FHIT: variants seen among roughly 807,000 people sequenced by gnomAD.
FHIT encodes bis(5'-adenosyl)-triphosphatase.
FHIT carries 19 observed loss-of-function variants against 17.9 expected under a neutral mutation model. The ratio of observed to expected loss-of-function variants is 1.06; its 90% CI spans 0.74 to 1.56. The LOEUF (loss-of-function observed/expected upper bound fraction) is 1.56. Among genes scored for constraint, FHIT ranks in the 40% most tolerant of loss-of-function variants. The pLI is 0.00. For synonymous variants in FHIT, 81 were observed against 69.7 expected, an observed-to-expected ratio of 1.16 and a Z score of -0.81; for missense variants, 248 against 189.2, an observed-to-expected ratio of 1.31 and a Z score of -1.82.
intron 1 of FHIT, among the ~76,000 whole-genome samples, chr3:61,224,729 G>A (rs1560093078): frequency 6.6e-6 from 1 of 152,106 alleles, no homozygotes; most frequent in African/African-American, 2.4e-5. Context: ...TTTAGATATG[G>A]CCATGATACC....
At chr3:60,910,226 G>T (rs1286339595) in intron 3 of FHIT, among the ~76,000 whole-genome samples, 1 of 152,082 alleles carries the variant, frequency 6.6e-6, no homozygotes, top group African/African-American at 2.4e-5. Flanking sequence ...GGCTTTCCGA[G>T]ATCTTGGGCA....
chr3:60,044,122 CAT>C (rs1701554958), intron 5 of FHIT, among the ~76,000 whole-genome samples: 1 of 152,170 alleles, frequency 6.6e-6, no homozygotes, highest in African/African-American at 2.4e-5. Flanking sequence ...AAGCAGATTA[CAT>C]GTGTGGCTTT....
At chr3:60,955,609 T>TATATATACATATATATATAC (rs1559862241) in intron 3 of FHIT, among the ~76,000 whole-genome samples, 1 of 9,150 alleles carries the variant, frequency 1.1e-4, no homozygotes, top group African/African-American at 1.7e-4. Context: ...TATATATATA[T>TATATATACATATATATATAC]ATATATATAT....
At chr3:60,465,416 T>A (rs2032730026) in intron 5 of FHIT, among the ~76,000 whole-genome samples, 1 of 152,162 alleles carries the variant, frequency 6.6e-6, no homozygotes. Context: ...TGTCCATTTT[T>A]GCTTTGGTTA....
At chr3:60,441,730 T>A (rs2594245) in intron 5 of FHIT, among the ~76,000 whole-genome samples, 2 of 88,650 alleles carry the variant, frequency 2.3e-5, no homozygotes, top group Admixed American at 3.0e-4. Flanking sequence ...ATATTTGTAT[T>A]TATATATATA....
At chr3:59,837,327 C>T (rs1385566937) in intron 8 of FHIT, among the ~76,000 whole-genome samples, 1 of 152,150 alleles carries the variant, frequency 6.6e-6, no homozygotes, top group African/African-American at 2.4e-5. Flanking sequence ...ATAACCTATG[C>T]ACATCTTCAC....
At chr3:60,461,831 C>A (rs531491097) in intron 5 of FHIT, among the ~76,000 whole-genome samples, 69 of 152,258 alleles carry the variant, frequency 4.5e-4, no homozygotes, top group African/African-American at 1.6e-3. Context: ...AAGCAAAGCA[C>A]CTCTATTTTG....
chr3:60,390,477 G>A (rs1234275752), intron 5 of FHIT, among the ~76,000 whole-genome samples: 1 of 143,502 alleles, frequency 7.0e-6, no homozygotes, highest in Non-Finnish European at 1.5e-5. Context: ...GATTATTTTA[G>A]AGTCTACTTC....
intron 3 of FHIT, among the ~76,000 whole-genome samples, chr3:60,827,454 G>A (rs1702165956): frequency 6.6e-6 from 1 of 152,136 alleles, no homozygotes. Flanking sequence ...ACAATAAAAC[G>A]AGCAAGGTAG....
At chr3:60,453,101 C>T (rs1197882359) in intron 5 of FHIT, among the ~76,000 whole-genome samples, 2 of 152,096 alleles carry the variant, frequency 1.3e-5, no homozygotes, top group Non-Finnish European at 2.9e-5. Context: ...TGACACTTTG[C>T]TCTTTTATGA....
chr3:60,758,835 TCTTATGTG>T (rs1699538192), intron 4 of FHIT, among the ~76,000 whole-genome samples: 3 of 152,286 alleles, frequency 2.0e-5, no homozygotes, highest in Admixed American at 2.0e-4. Context: ...CTCAATGATA[TCTTATGTG>T]CTTATAAGAA....
At chr3:60,312,624 A>T (rs1039926562) in intron 5 of FHIT, among the ~76,000 whole-genome samples, 1 of 152,166 alleles carries the variant, frequency 6.6e-6, no homozygotes, top group Non-Finnish European at 1.5e-5. Flanking sequence ...GAGATTCTGC[A>T]TTTCCAATAG....
intron 7 of FHIT, among the ~76,000 whole-genome samples, chr3:59,976,641 A>C (rs1708425743): frequency 6.6e-6 from 1 of 152,004 alleles, no homozygotes; most frequent in Non-Finnish European, 1.5e-5. Context: ...TACCACAACC[A>C]ACCACCACAT....
chr3:61,154,635 A>G (rs1277077428), intron 2 of FHIT, among the ~76,000 whole-genome samples: 4 of 152,194 alleles, frequency 2.6e-5, no homozygotes, highest in African/African-American at 4.8e-5. Context: ...CCTTGGGGAC[A>G]TGGGATTTCT....
At chr3:59,973,325 A>AG (rs1708269978) in intron 7 of FHIT, among the ~76,000 whole-genome samples, 2 of 152,094 alleles carry the variant, frequency 1.3e-5, no homozygotes, top group Non-Finnish European at 2.9e-5. Flanking sequence ...GAAGCCTAGA[A>AG]GGCTTTAGTT....
At chr3:60,680,780 T>A (rs1273499985) in intron 4 of FHIT, among the ~76,000 whole-genome samples, 1 of 152,158 alleles carries the variant, frequency 6.6e-6, no homozygotes, top group South Asian at 2.1e-4. Flanking sequence ...AAGGCCATCA[T>A]ACCATCAGTG....
chr3:60,257,867 GGAACAA>G (rs912209782), intron 5 of FHIT, among the ~76,000 whole-genome samples: 5 of 152,030 alleles, frequency 3.3e-5, no homozygotes, highest in African/African-American at 1.2e-4. Context: ...ACACATGGCG[GGAACAA>G]AACAAACTAA....
intron 3 of FHIT, among the ~76,000 whole-genome samples, chr3:60,829,791 A>G (rs1364441297): frequency 6.6e-6 from 1 of 150,938 alleles, no homozygotes; most frequent in African/African-American, 2.4e-5. Flanking sequence ...GCCTCCCCAC[A>G]ACATCCTTCT....
At chr3:59,799,483 G>C (rs1000165209) in intron 8 of FHIT, among the ~76,000 whole-genome samples, 1 of 152,176 alleles carries the variant, frequency 6.6e-6, no homozygotes, top group African/African-American at 2.4e-5. Flanking sequence ...TTGTTCATGA[G>C]AAGTAGAGGA....
Sources: allele counts gnomAD v4.1 joint callset (sites outside exome capture counted in the v4.1 genomes callset), GRCh38; gene constraint gnomAD v4.1.1; transcripts MANE v1.5; gene names NCBI Gene and HGNC (gene_info 2026-07-23, HGNC 2026-07-21).